SBNO1: variants seen among roughly 807,000 people sequenced by gnomAD.
SBNO1 encodes the protein strawberry notch homolog 1.
A neutral mutation model predicts 173.6 loss-of-function variants in SBNO1; 23 were observed. The observed-to-expected ratio is 0.13, with a 90% CI of 0.10 to 0.19. The LOEUF (loss-of-function observed/expected upper bound fraction) is 0.19, where lower values mean the gene tolerates loss of function less well. Among genes scored for constraint, SBNO1 ranks in the 10% least tolerant of loss-of-function variants. The pLI, the probability that SBNO1 is intolerant of heterozygous loss-of-function variation, is 1.00. For synonymous variants in SBNO1, 632 were observed against 571.5 expected (o/e 1.11, Z -1.51); for missense variants, 1,238 against 1,671.2 (o/e 0.74, Z 4.52).
chr12:123,313,286 T>A (rs1020994190), intron 24 of SBNO1, among the ~76,000 whole-genome samples: 92 of 149,326 alleles, frequency 6.2e-4, no homozygotes, highest in African/African-American at 1.8e-3. Flanking sequence ...TTAAAAAAAA[T>A]AAAATAAATA....
At chr12:123,319,121 A>C (rs1869662006) in intron 20 of SBNO1, among the ~76,000 whole-genome samples, 3 of 151,740 alleles carry the variant, frequency 2.0e-5, no homozygotes, top group African/African-American at 7.3e-5. Flanking sequence ...ATGCCACCAC[A>C]CCCGACCAAT....
chr12:123,329,465 TAAG>T (rs1028353693), intron 9 of SBNO1, among the ~76,000 whole-genome samples: 3 of 151,184 alleles, frequency 2.0e-5, no homozygotes, highest in Non-Finnish European at 2.9e-5. Flanking sequence ...AACTTCCCTA[TAAG>T]AATAAAAAGT....
Position 123,293,144 on chromosome 12 carries a change from GGTTA to G in SBNO1, c.*2760_*2763del, listed in dbSNP as rs1211937789. On this transcript the variant is annotated 3_prime_UTR_variant, in exon 32 of 32. Coordinates refer to ENST00000602398, the MANE Select transcript of SBNO1 (RefSeq NM_001167856.3). ...CATTGCAGAGGCAAAGTGGACATGG[GGTTA>G]ATTAAACAAGGCCTCTGAATTCAGG... 1 of 152,192 alleles carries G rather than the reference GGTTA, an allele frequency of 6.6e-6. No individual in the cohort carries two copies. Among genetic ancestry groups the G allele is most frequent in the Non-Finnish European group, 1.5e-5 (1 of 68,042 alleles). The allele number at this position is 152,192 out of a possible 1,614,324, so 9.4% of individuals were successfully genotyped here. A position where few individuals can be genotyped will look rare whatever the true frequency, so the allele number is the denominator to read the frequency against.
chr12:123,364,673 G>A (rs1461176786), intron 1 of SBNO1, 28 bp downstream of exon 1: 3 of 983,464 alleles, frequency 3.1e-6, no homozygotes, highest in African/African-American at 1.8e-5. Context: ...GAGTGTGGAA[G>A]GAGAAAAGGG....
intron 1 of SBNO1, among the ~76,000 whole-genome samples, chr12:123,362,237 CTATCCTGGCT>C (rs1178225931): frequency 6.6e-6 from 1 of 151,384 alleles, no homozygotes; most frequent in Non-Finnish European, 1.5e-5. Context: ...GAGATCGAGA[CTATCCTGGCT>C]AACATGGTGA....
intron 5 of SBNO1, among the ~76,000 whole-genome samples, chr12:123,338,578 TG>T (rs1305872334): frequency 2.6e-5 from 4 of 151,754 alleles, no homozygotes; most frequent in Non-Finnish European, 4.4e-5. Context: ...CCCAGCTACT[TG>T]GGAGGCTGAG....
Position 123,326,342 on chromosome 12 carries a change from T to C in SBNO1, c.1693-8A>G. ...CTCTCTGGCGATGACCCACTGAAGATACATAATCAACATTTCAGACACTTC... is the reference window on the plus strand; with the variant it reads ...CTCTCTGGCGATGACCCACTGAAGACACATAATCAACATTTCAGACACTTC... On this transcript the variant is annotated splice_region_variant and splice_polypyrimidine_tract_variant and intron_variant, in intron 13 of 31. Transcript: ENST00000602398. 4.5e-6 allele frequency: 7 copies of C among 1,566,276 alleles called. No individual in the cohort carries two copies. The highest frequency in any genetic ancestry group is 1.2e-5 in the South Asian group (1 of 84,166).
chr12:123,364,349 G>A (rs28397122), intron 1 of SBNO1: 56,873 of 985,164 alleles, frequency 0.058, 1,719 homozygotes, highest in South Asian at 0.087. Context: ...GAAGCCAAAG[G>A]GGCGAACCCA....
At chr12:123,305,595 T>C (rs1401958390) in intron 28 of SBNO1, among the ~76,000 whole-genome samples, 1 of 152,078 alleles carries the variant, frequency 6.6e-6, no homozygotes. Context: ...TGCCTCAGCC[T>C]CCCGAGTAGC....
At chr12:123,360,160 G>T (rs945683602) in intron 1 of SBNO1, among the ~76,000 whole-genome samples, 2 of 151,738 alleles carry the variant, frequency 1.3e-5, no homozygotes, top group Middle Eastern at 3.4e-3. Context: ...CAGGAGAATC[G>T]CTTGAATCTG....
rs766786922 is a variant in SBNO1 at position 123,320,883 on chromosome 12, G to C, written c.2324-17C>G. The stretch of plus-strand genomic sequence containing the variant: ...ACCAGGGATCTGAGTGTTAAGGAAA[G>C]ATACATGTCAAATCATTTGTTAAAA... On this transcript the variant is annotated splice_polypyrimidine_tract_variant and intron_variant, in intron 17 of 31. Coordinates refer to ENST00000602398, the MANE Select transcript of SBNO1 (RefSeq NM_001167856.3). The C allele has an allele frequency of 4.0e-6, 6 of 1,514,758 alleles. No homozygotes were observed. The highest frequency in any genetic ancestry group is 1.4e-5 in the African/African-American group (1 of 71,106). The allele number at this position is 1,514,758 out of a possible 1,614,324, so 93.8% of individuals were successfully genotyped here.
At chr12:123,299,284 C>T (rs376932159) in intron 30 of SBNO1, among the ~76,000 whole-genome samples, 1 of 151,688 alleles carries the variant, frequency 6.6e-6, no homozygotes, top group East Asian at 1.9e-4. Context: ...AGGAGAATGG[C>T]GTGAACCCAG....
At chr12:123,327,835 AT>A (rs1268386935) in intron 11 of SBNO1, 23 bp from the exon 12 acceptor site, 1 of 1,604,950 alleles carries the variant, frequency 6.2e-7, no homozygotes. Context: ...CAAATGAAAT[AT>A]ATTATAGTTG....
In SBNO1 at chr12:123,336,488, C is replaced by T. The variant is rs1871855650; in HGVS notation, c.655G>A (p.Val219Ile). ...KMRSFSPTMK[V>I]PVVKEDDEPE... ...TCATCATCTTCTTTTACAACAGGAA[C>T]CTTCTGCAACACAGAAAGAGCACAA... Residue 219 changes from valine (V) to isoleucine (I), a missense_variant, in exon 6 of 32, where the codon GTT (valine) becomes ATT (isoleucine). This residue lies in a region of SBNO1 where 287 missense variants were observed against 274.1 expected (regional missense o/e 1.05). Transcript: ENST00000602398. 2 of 1,604,406 alleles carry T rather than the reference C, an allele frequency of 1.2e-6. No homozygotes were observed. The highest frequency in any genetic ancestry group is 1.7e-6 in the Non-Finnish European group (2 of 1,173,592).
chr12:123,303,950 G>A (rs1458968516), intron 29 of SBNO1, among the ~76,000 whole-genome samples: 9 of 94,852 alleles, frequency 9.5e-5, no homozygotes, highest in Admixed American at 1.7e-4. Context: ...TTTTTGAGAC[G>A]GAGTCTTGCT....
chr12:123,328,001 G>T lies in SBNO1; in HGVS notation c.1323C>A (p.Ala441=). Residue 441 remains alanine (A), a synonymous_variant, in exon 11 of 32, where the codon GCC becomes GCA. Transcript: ENST00000602398. ...AAGAACCAACAGGACATAAGTTTTT[G>T]GCTTTATGACACTCATCAAACACTA... ...GVIVFDECHK[A]KNLCPVGSSK... 1.2e-6 allele frequency: 2 copies of T among 1,612,372 alleles called. No homozygotes were observed. Among genetic ancestry groups the T allele is most frequent in the Non-Finnish European group, 1.7e-6 (2 of 1,179,000 alleles).
Position 123,317,127 on chromosome 12 carries a change from T to C in SBNO1, c.2935+94A>G, listed in dbSNP as rs140153996. On this transcript the variant is annotated intron_variant, in intron 21 of 31. Coordinates refer to ENST00000602398, the MANE Select transcript of SBNO1 (RefSeq NM_001167856.3). ...TGTTGGAATTACAGGCGTGAGCCTCTGTGCCCGGCCTAAACCTAGGTTTTG... is the reference window on the plus strand; with the variant it reads ...TGTTGGAATTACAGGCGTGAGCCTCCGTGCCCGGCCTAAACCTAGGTTTTG... 2,102 of 1,353,270 alleles carry C rather than the reference T, an allele frequency of 1.6e-3. 7 individuals carry two copies. The highest frequency in any genetic ancestry group is 2.1e-3 in the Non-Finnish European group (1,974 of 959,610). The allele number at this position is 1,353,270 out of a possible 1,614,324, so 83.8% of individuals were successfully genotyped here. A position where few individuals can be genotyped will look rare whatever the true frequency, so the allele number is the denominator to read the frequency against.
At chr12:123,355,836 G>A (rs1874403169) in intron 1 of SBNO1, among the ~76,000 whole-genome samples, 2 of 152,120 alleles carry the variant, frequency 1.3e-5, no homozygotes, top group Admixed American at 6.6e-5. Flanking sequence ...TTTCAAAACA[G>A]TACGCCTATG....
intron 1 of SBNO1, among the ~76,000 whole-genome samples, chr12:123,360,212 C>T (rs368895054): frequency 1.3e-5 from 2 of 149,962 alleles, no homozygotes; most frequent in African/African-American, 4.9e-5. Flanking sequence ...CACCATTGCA[C>T]TCCAGCCTCG....
Sources: gnomAD v4.1 joint callset for allele counts (sites outside exome capture counted in the v4.1 genomes callset) on GRCh38, gnomAD v4.1.1 for gene constraint, gnomAD v4.1.1 regional missense constraint, MANE v1.5 for transcripts, NCBI Gene and HGNC (gene_info 2026-07-23, HGNC 2026-07-21) for gene names.